Variants in TRPM6 observed in about 807,000 individuals in gnomAD.
TRPM6 encodes the protein channel kinase 2.
Under a neutral mutation model 247.6 loss-of-function variants are expected in TRPM6, and 111 were observed. The observed-to-expected ratio is 0.45, with a 90% CI of 0.38 to 0.52. The LOEUF (loss-of-function observed/expected upper bound fraction) is 0.52. TRPM6 is among the 20% of genes least tolerant of loss of function. TRPM6 has a pLI of 0.00. For missense variants in TRPM6, 2,126 were observed against 2,421.5 expected, an observed-to-expected ratio of 0.88 and a Z score of 2.56; for synonymous variants, 892 against 853.8, an observed-to-expected ratio of 1.04 and a Z score of -0.78.
chr9:74,855,416 A>C, intron 3 of TRPM6, 111 bp downstream of exon 3: 1 of 822,346 alleles, frequency 1.2e-6, no homozygotes, highest in South Asian at 1.4e-5. Context: ...TTGGAAAGGT[A>C]AATGGCATGC....
At chr9:74,735,891 A>G (rs1019333473) in intron 36 of TRPM6, among the ~76,000 whole-genome samples, 5 of 152,188 alleles carry the variant, frequency 3.3e-5, no homozygotes, top group Admixed American at 6.5e-5. Context: ...GAAGAAGAAA[A>G]GAAACTGAAA....
chr9:74,819,925 T>C (rs1011346135), intron 9 of TRPM6, among the ~76,000 whole-genome samples: 2 of 152,224 alleles, frequency 1.3e-5, no homozygotes, highest in African/African-American at 2.4e-5. Flanking sequence ...CAACGAAGAA[T>C]CAAATTCTGT....
At chr9:74,808,636 A>G (rs1384134237) in intron 13 of TRPM6, among the ~76,000 whole-genome samples, 1 of 152,238 alleles carries the variant, frequency 6.6e-6, no homozygotes, top group East Asian at 1.9e-4. Flanking sequence ...AAAATCTTAA[A>G]GTCTACACTG....
intron 38 of TRPM6, among the ~76,000 whole-genome samples, chr9:74,725,997 C>T (rs905601590): frequency 6.6e-6 from 1 of 152,188 alleles, no homozygotes; most frequent in East Asian, 1.9e-4. Flanking sequence ...GCCCTTTATA[C>T]TATCCTAAAC....
At chr9:74,789,960 C>CAAAAAAAAAAA (rs71368680) in intron 19 of TRPM6, among the ~76,000 whole-genome samples, 2 of 65,112 alleles carry the variant, frequency 3.1e-5, no homozygotes, top group African/African-American at 1.3e-4. Context: ...GACTCCATCT[C>CAAAAAAAAAAA]AAAAAAAAAA....
chr9:74,776,482 TGTGA>T (rs1387366351), intron 23 of TRPM6, among the ~76,000 whole-genome samples: 1 of 152,188 alleles, frequency 6.6e-6, no homozygotes, highest in Non-Finnish European at 1.5e-5. Context: ...TAATGTCAAA[TGTGA>T]GAACTGCTAG....
At chr9:74,874,437 A>G (rs942328822) in intron 1 of TRPM6, among the ~76,000 whole-genome samples, 5 of 152,074 alleles carry the variant, frequency 3.3e-5, no homozygotes, top group Non-Finnish European at 5.9e-5. Flanking sequence ...TTGTTTAGAG[A>G]CTGCCTGTAC....
intron 1 of TRPM6, among the ~76,000 whole-genome samples, chr9:74,869,401 C>T (rs1365578922): frequency 2.7e-5 from 4 of 147,420 alleles, no homozygotes; most frequent in African/African-American, 7.5e-5. Context: ...ACCCAGGAGG[C>T]GGAGGTAACG....
intron 7 of TRPM6, among the ~76,000 whole-genome samples, chr9:74,822,717 A>G (rs1325597164): frequency 1.3e-5 from 2 of 152,088 alleles, no homozygotes; most frequent in African/African-American, 2.4e-5. Context: ...GCCTATATAT[A>G]TATTACTTTC....
intron 1 of TRPM6, among the ~76,000 whole-genome samples, chr9:74,865,890 G>GC (rs1161906576): frequency 6.6e-6 from 1 of 152,154 alleles, no homozygotes; most frequent in Non-Finnish European, 1.5e-5. Context: ...TCCTGCCTCA[G>GC]CCCCCTGAGA....
At chr9:74,778,100 C>T (rs1038519983) in intron 23 of TRPM6, among the ~76,000 whole-genome samples, 6 of 152,216 alleles carry the variant, frequency 3.9e-5, no homozygotes, top group Non-Finnish European at 8.8e-5. Flanking sequence ...CCAGTGGAAA[C>T]TGAAGCCGAG....
intron 1 of TRPM6, among the ~76,000 whole-genome samples, chr9:74,862,455 G>C (rs557525207): frequency 3.0e-4 from 45 of 152,222 alleles, no homozygotes; most frequent in Non-Finnish European, 5.4e-4. Flanking sequence ...AAAGGAGAAA[G>C]AAGGGAAATG....
At chr9:74,764,805 T>C (rs962902035) in intron 25 of TRPM6, among the ~76,000 whole-genome samples, 4 of 152,144 alleles carry the variant, frequency 2.6e-5, no homozygotes, top group African/African-American at 7.2e-5. Flanking sequence ...TGATGAGGCA[T>C]TGATATCTCT....
rs1442786291 is a variant in TRPM6 at position 74,762,124 on chromosome 9, C to A, written c.4547G>T (p.Gly1516Val). The change falls in exon 26 of 39, where the codon GGA becomes GTA. Residue 1516 changes from glycine to valine, a missense_variant. Transcript: ENST00000360774. The part of the protein sequence containing the change: ...SAQSSECSEV[G>V]PWLQPNTSFW... ...GGATGTGTTTGGCTGAAGCCATGGTCCCACCTCTGAGCATTCACTACTCTG... is the reference window on the plus strand; with the variant it reads ...GGATGTGTTTGGCTGAAGCCATGGTACCACCTCTGAGCATTCACTACTCTG... 1 of 1,614,056 alleles carries A rather than the reference C, an allele frequency of 6.2e-7. No individual in the cohort carries two copies. The highest frequency in any genetic ancestry group is 1.3e-5 in the African/African-American group (1 of 74,920).
chr9:74,862,159 A>G (rs957757873), intron 1 of TRPM6, among the ~76,000 whole-genome samples: 4 of 149,864 alleles, frequency 2.7e-5, no homozygotes, highest in Admixed American at 2.0e-4. Context: ...TTCTCAATTT[A>G]GAACTTTACT....
At chr9:74,778,555 C>T (rs1827306592) in intron 23 of TRPM6, among the ~76,000 whole-genome samples, 1 of 152,196 alleles carries the variant, frequency 6.6e-6, no homozygotes, top group Non-Finnish European at 1.5e-5. Flanking sequence ...GCATTAGGGA[C>T]AGGGTCAGTC....
At chr9:74,761,645 C>A (rs1316796384) in intron 27 of TRPM6, 51 bp downstream of exon 27, 2 of 1,082,022 alleles carry the variant, frequency 1.8e-6, no homozygotes, top group Non-Finnish European at 2.9e-6. Flanking sequence ...CTAAGATAGG[C>A]CACTACCTTG....
intron 14 of TRPM6, chr9:74,804,448 T>C (rs1387531426): frequency 3.4e-6 from 2 of 586,990 alleles, no homozygotes. Flanking sequence ...TTAAAGGGAC[T>C]AACATAAAAT....
chr9:74,804,831 T>C, intron 14 of TRPM6: 1 of 459,134 alleles, frequency 2.2e-6, no homozygotes, highest in Non-Finnish European at 3.9e-6. Context: ...AAAATAAACA[T>C]CAGTTTCTAA....
Sources: gnomAD v4.1 joint callset for allele counts (sites outside exome capture counted in the v4.1 genomes callset) on GRCh38, gnomAD v4.1.1 for gene constraint, MANE v1.5 for transcripts, NCBI Gene and HGNC (gene_info 2026-07-23, HGNC 2026-07-21) for gene names.